TJP1: variants seen among roughly 807,000 people sequenced by gnomAD.
TJP1 encodes the protein tight junction protein ZO-1.
A neutral mutation model predicts 194.2 loss-of-function variants in TJP1; 43 were observed. That is an observed-to-expected ratio of 0.22 (90% CI 0.17 to 0.29). The LOEUF is 0.29. Ranked by LOEUF, TJP1 falls within the 10% of genes least tolerant of loss-of-function variation. TJP1 has a pLI of 1.00. For synonymous variants in TJP1, 801 were observed against 779.0 expected (o/e 1.03, Z -0.47); for missense variants, 1,971 against 2,185.7 (o/e 0.90, Z 1.96).
chr15:29,803,624 T>C (rs1433993269), intron 1 of TJP1, among the ~76,000 whole-genome samples: 1 of 152,178 alleles, frequency 6.6e-6, no homozygotes, highest in African/African-American at 2.4e-5. Context: ...AATCAAATAA[T>C]GCTTAAGAGG....
chr15:29,822,974 C>G (rs1053324572), upstream of TJP1: 1 of 152,204 alleles, frequency 6.6e-6, no homozygotes, highest in Non-Finnish European at 1.5e-5. Context: ...CGAGGAGCTC[C>G]GGCAGGGTCA....
chr15:29,823,264 T>C (rs2050540462), upstream of TJP1: 1 of 152,216 alleles, frequency 6.6e-6, no homozygotes, highest in Non-Finnish European at 1.5e-5. Context: ...AACTCAAAGT[T>C]GGGCAGAAAA....
chr15:29,724,287 G>T (rs2043111583), intron 18 of TJP1, among the ~76,000 whole-genome samples: 2 of 152,158 alleles, frequency 1.3e-5, no homozygotes, highest in African/African-American at 4.8e-5. Flanking sequence ...GGAATCCAGG[G>T]ATCTATCCTG....
At chr15:29,817,089 A>G (rs2049978013) in intron 1 of TJP1, among the ~76,000 whole-genome samples, 1 of 152,232 alleles carries the variant, frequency 6.6e-6, no homozygotes, top group Non-Finnish European at 1.5e-5. Context: ...CAGAATCCAC[A>G]TGGAAGTGAA....
At chr15:29,851,572 G>T (rs1484274193) in intron 2 of TJP1, among the ~76,000 whole-genome samples, 1 of 152,124 alleles carries the variant, frequency 6.6e-6, no homozygotes, top group African/African-American at 2.4e-5. Flanking sequence ...AAAAATCCTT[G>T]CAAGATATTT....
chr15:29,909,078 A>G (rs576140689), intron 2 of TJP1, among the ~76,000 whole-genome samples: 1 of 151,166 alleles, frequency 6.6e-6, no homozygotes, highest in East Asian at 2.0e-4. Flanking sequence ...AATGGCATGA[A>G]CCCAGGAGGC....
At chr15:29,809,572 G>A (rs1263732088) in intron 1 of TJP1, among the ~76,000 whole-genome samples, 5 of 152,106 alleles carry the variant, frequency 3.3e-5, no homozygotes, top group Admixed American at 6.6e-5. Context: ...ATGGCTGGGC[G>A]CGGTGGCTCA....
chr15:29,915,720 A>G (rs1170113810), intron 2 of TJP1, among the ~76,000 whole-genome samples: 1 of 152,236 alleles, frequency 6.6e-6, no homozygotes, highest in African/African-American at 2.4e-5. Flanking sequence ...CATCAATTAT[A>G]TTCCAGTTGC....
At chr15:29,949,895 T>A (rs1281892219) in intron 2 of TJP1, among the ~76,000 whole-genome samples, 19 of 65,198 alleles carry the variant, frequency 2.9e-4, no homozygotes, top group South Asian at 1.4e-3. Flanking sequence ...CACCTCCACC[T>A]CCACAACCAC....
chr15:29,750,206 C>A (rs2045166522), intron 8 of TJP1, among the ~76,000 whole-genome samples: 2 of 152,140 alleles, frequency 1.3e-5, no homozygotes, highest in African/African-American at 2.4e-5. Flanking sequence ...CAGGGTTTCA[C>A]CGTGTTAGCC....
chr15:29,931,814 T>C (rs1227369205), intron 2 of TJP1, among the ~76,000 whole-genome samples: 2 of 152,234 alleles, frequency 1.3e-5, no homozygotes, highest in African/African-American at 2.4e-5. Flanking sequence ...GGCTACTCTA[T>C]AGACAGAGCA....
chr15:29,716,911 T>G lies in TJP1; in HGVS notation c.3975-73A>C, dbSNP rs1275958613. 3 of 1,318,606 alleles carry G rather than the reference T, an allele frequency of 2.3e-6. No individual in the cohort carries two copies. The African/African-American group carries it at 4.4e-5, about 19-fold the overall frequency. The allele number at this position is 1,318,606 out of a possible 1,614,324, so 81.7% of individuals were successfully genotyped here. A position where few individuals can be genotyped will look rare whatever the true frequency, so the allele number is the denominator to read the frequency against. ...TTATGAAGGAAGTAGAATATGTAAGTCTTATCTTGACTAAAAGGTCAATAA... is the reference window on the plus strand; with the variant it reads ...TTATGAAGGAAGTAGAATATGTAAGGCTTATCTTGACTAAAAGGTCAATAA... On this transcript the variant is annotated intron_variant, in intron 22 of 27. Coordinates refer to ENST00000614355, the MANE Select transcript of TJP1 (RefSeq NM_001330239.4).
rs1401987007 is a variant in TJP1 at position 29,700,455 on chromosome 15, A to T, written c.*1140T>A. 7.5e-6 allele frequency: 3 copies of T among 398,684 alleles called. No homozygotes were observed. Among genetic ancestry groups the T allele is most frequent in the Non-Finnish European group, 1.3e-5 (3 of 225,984 alleles). The allele number at this position is 398,684 out of a possible 1,614,324, so 24.7% of individuals were successfully genotyped here. A position where few individuals can be genotyped will look rare whatever the true frequency, so the allele number is the denominator to read the frequency against. On this transcript the variant is annotated 3_prime_UTR_variant, in exon 28 of 28. Coordinates refer to ENST00000614355, the MANE Select transcript of TJP1 (RefSeq NM_001330239.4). ...ACAACTCTGTGCATCCTTTTTCTTA[A>T]AAAAAATGACCTTGCATGTGTCATA... is the stretch of plus-strand genomic sequence containing the variant.
intron 1 of TJP1, among the ~76,000 whole-genome samples, chr15:29,807,201 G>A (rs1319397550): frequency 6.6e-6 from 1 of 152,170 alleles, no homozygotes; most frequent in African/African-American, 2.4e-5. Context: ...GACAGACACA[G>A]TGAACCTGTA....
At chr15:29,742,438 T>A (rs1850647038) in intron 9 of TJP1, among the ~76,000 whole-genome samples, 1 of 152,230 alleles carries the variant, frequency 6.6e-6, no homozygotes. Context: ...ATATTTTCTA[T>A]CTAGAAAGTA....
chr15:29,925,287 C>T (rs1859209286), intron 2 of TJP1, among the ~76,000 whole-genome samples: 2 of 152,228 alleles, frequency 1.3e-5, no homozygotes, highest in South Asian at 2.1e-4. Flanking sequence ...TCTACTCTCA[C>T]AGCATGTTCC....
Position 29,887,148 on chromosome 15 carries a change from A to C in TJP1, c.306+69084T>G, listed in dbSNP as rs556842435. 2.0e-3 allele frequency among the ~76,000 whole-genome samples: 303 copies of C among 152,066 alleles called. 2 individuals are homozygous for C. Among genetic ancestry groups the C allele is most frequent in the Middle Eastern group, 0.01 (3 of 294 alleles). On this transcript the variant is annotated intron_variant, in intron 2 of 28. Coordinates refer to the TJP1 transcript ENST00000356107. Reference sequence around the variant, plus strand: ...TGGCACCCACTAGGTAACAATTCAGACCAAAAACAAGAGCCCCTCACCTGA... The same window carrying C: ...TGGCACCCACTAGGTAACAATTCAGCCCAAAAACAAGAGCCCCTCACCTGA...
Position 29,872,085 on chromosome 15 carries a change from G to A in TJP1, c.307-71383C>T, listed in dbSNP as rs142432386. 1.0e-3 allele frequency among the ~76,000 whole-genome samples: 159 copies of A among 152,274 alleles called. 1 individual carries two copies. Among genetic ancestry groups the A allele is most frequent in the African/African-American group, 3.3e-3 (138 of 41,568 alleles). ...TGGAAGAAGAAACCTCGTAGGCAGCGGGGGACACAATGGTGACTGCAGGAA... is the reference window on the plus strand; with the variant it reads ...TGGAAGAAGAAACCTCGTAGGCAGCAGGGGACACAATGGTGACTGCAGGAA... On this transcript the variant is annotated intron_variant, in intron 2 of 28. Transcript: ENST00000356107.
intron 18 of TJP1, 79 bp downstream of exon 18, chr15:29,726,300 G>A: frequency 8.5e-7 from 1 of 1,182,726 alleles, no homozygotes; most frequent in Non-Finnish European, 1.2e-6. Context: ...TAATTAGAAA[G>A]CACTGGTATC....
Sources: allele counts gnomAD v4.1 joint callset (sites outside exome capture counted in the v4.1 genomes callset), GRCh38; gene constraint gnomAD v4.1.1; transcripts MANE v1.5; gene names NCBI Gene and HGNC (gene_info 2026-07-23, HGNC 2026-07-21).